The following POR variants were observed in gnomAD, a reference collection of about 807,000 sequenced individuals.
POR encodes the protein NADPH--cytochrome P450 reductase.
POR carries 56 observed loss-of-function variants against 84.0 expected under a neutral mutation model. The ratio of observed to expected loss-of-function variants is 0.67; its 90% CI spans 0.54 to 0.83. The LOEUF is 0.83. Ranked by LOEUF, POR falls within the 40% of genes least tolerant of loss-of-function variation. POR has a pLI of 0.00. For missense variants in POR, 938 were observed against 944.3 expected, an observed-to-expected ratio of 0.99 and a Z score of 0.09; for synonymous variants, 414 against 400.5, an observed-to-expected ratio of 1.03 and a Z score of -0.40.
chr7:75,921,267 T>A (rs1554548803), intron 1 of POR: 1 of 4,994 alleles, frequency 2.0e-4, no homozygotes, highest in African/African-American at 2.5e-3. Context: ...TTTTTAGTCT[T>A]TTTTTTTTTT....
At chr7:75,935,993 C>T (rs1486165107) in intron 1 of POR, among the ~76,000 whole-genome samples, 1 of 151,664 alleles carries the variant, frequency 6.6e-6, no homozygotes, top group Non-Finnish European at 1.5e-5. Flanking sequence ...CTCCCTTTGG[C>T]AGTTTTCTGA....
At chr7:75,922,323 T>TG (rs1351271703) in intron 1 of POR, among the ~76,000 whole-genome samples, 2 of 149,230 alleles carry the variant, frequency 1.3e-5, no homozygotes, top group African/African-American at 5.0e-5. Flanking sequence ...TCTGTAGTTT[T>TG]TTTTTTTTTT....
intron 2 of POR, chr7:75,970,880 G>A (rs1788396498): frequency 1.4e-5 from 2 of 141,074 alleles, no homozygotes; most frequent in African/African-American, 5.2e-5. Flanking sequence ...CCACATATAA[G>A]TACATTACAA....
intron 1 of POR, among the ~76,000 whole-genome samples, chr7:75,917,243 A>T (rs1439542280): frequency 6.6e-6 from 1 of 151,770 alleles, no homozygotes; most frequent in African/African-American, 2.4e-5. Flanking sequence ...AATTTTTTAA[A>T]TGTTTTTTAG....
chr7:75,957,184 G>A (rs1474044530), intron 2 of POR, among the ~76,000 whole-genome samples: 4 of 152,188 alleles, frequency 2.6e-5, no homozygotes, highest in African/African-American at 9.7e-5. Context: ...TGGAGAGACA[G>A]GCTCCGCCAG....
At position 75,983,724 on chromosome 7, in the gene POR, A is replaced by ACAT; in HGVS notation, c.948-12_948-10dup. The ACAT allele has an allele frequency of 6.2e-7, 1 of 1,611,256 alleles. No individual in the cohort carries two copies. The highest frequency in any genetic ancestry group is 8.5e-7 in the Non-Finnish European group (1 of 1,178,736). ...CAGCCTTCCGCCCCTCCCGAGCCTC[A>ACAT]CATCTCCCTCCAGGTATGAATCTGG... On this transcript the variant is annotated splice_polypyrimidine_tract_variant and intron_variant, in intron 9 of 15. Transcript: ENST00000461988.
chr7:75,983,257 C>T, intron 8 of POR: 1 of 393,684 alleles, frequency 2.5e-6, no homozygotes, highest in Non-Finnish European at 4.6e-6. Context: ...AGGAGAATTG[C>T]TTGAACCTGG....
intron 1 of POR, among the ~76,000 whole-genome samples, chr7:75,942,102 C>CT (rs1295322300): frequency 2.0e-5 from 3 of 152,112 alleles, no homozygotes; most frequent in Non-Finnish European, 4.4e-5. Flanking sequence ...TAGTATACAC[C>CT]TGTAGTCCCA....
chr7:75,980,978 C>G, intron 5 of POR, 70 bp from the exon 6 acceptor site: 1 of 1,478,776 alleles, frequency 6.8e-7, no homozygotes. Context: ...GCCTCCCGCC[C>G]TGCCCCCATG....
At chr7:75,972,286 T>C (rs1213566249) in intron 2 of POR, 127 bp from the exon 3 acceptor site, 2 of 844,708 alleles carry the variant, frequency 2.4e-6, no homozygotes, top group Non-Finnish European at 3.8e-6. Flanking sequence ...GGGACAAAGC[T>C]GGAATGTCCC....
rs150199766 is a variant in POR at position 75,949,166 on chromosome 7, T to G, written c.-4-4823T>G. Among the ~76,000 whole-genome samples, 914 of 151,954 alleles carry G rather than the reference T, an allele frequency of 6.0e-3. 11 individuals carry two copies. The highest frequency in any genetic ancestry group is 0.021 in the African/African-American group (867 of 41,352). ...TTGTTGTTGTTGTTGTTGTTGTTGT[T>G]GTTTTTGAGACGGAGTCTCACTCTG... On this transcript the variant is annotated intron_variant, in intron 1 of 15. Transcript: ENST00000461988.
chr7:75,956,019 C>G (rs1255872476), intron 2 of POR, among the ~76,000 whole-genome samples: 1 of 152,118 alleles, frequency 6.6e-6, no homozygotes, highest in Non-Finnish European at 1.5e-5. Context: ...GGTTCAGGGC[C>G]AGGCACAGCG....
intron 8 of POR, 70 bp from the exon 9 acceptor site, chr7:75,983,450 A>G: frequency 9.1e-7 from 1 of 1,096,376 alleles, no homozygotes; most frequent in South Asian, 1.3e-5. Context: ...TGCAACCAGA[A>G]GCGTCCTTGG....
At chr7:75,983,461 A>T in intron 8 of POR, 59 bp from the exon 9 acceptor site, 1 of 1,243,940 alleles carries the variant, frequency 8.0e-7, no homozygotes, top group Non-Finnish European at 1.2e-6. Flanking sequence ...GCGTCCTTGG[A>T]GACGGAGACT....
intron 1 of POR, among the ~76,000 whole-genome samples, chr7:75,952,023 G>T (rs239951): frequency 0.39 from 45,422 of 117,856 alleles, 11,077 homozygotes; most frequent in African/African-American, 0.73. Flanking sequence ...GCTCCTCACT[G>T]CCCAGTAGGG....
At chr7:75,917,867 C>G (rs186533836) in intron 1 of POR, among the ~76,000 whole-genome samples, 6 of 152,288 alleles carry the variant, frequency 3.9e-5, no homozygotes, top group African/African-American at 9.6e-5. Flanking sequence ...AAAAGACTTT[C>G]AAATGCCAAT....
chr7:75,949,305 G>A (rs1048552946), intron 1 of POR, among the ~76,000 whole-genome samples: 23 of 152,050 alleles, frequency 1.5e-4, no homozygotes, highest in South Asian at 8.3e-4. Flanking sequence ...ACAGGCACGC[G>A]TCACCATGCC....
In POR at chr7:75,940,501, G is replaced by A. The variant is rs1309494080; in HGVS notation, c.-4-13488G>A. 3.5e-5 allele frequency among the ~76,000 whole-genome samples: 5 copies of A among 144,500 alleles called. No individual in the cohort carries two copies. The East Asian group carries it at 1.1e-3, about 31-fold the overall frequency. The allele number at this position is 144,500 out of a possible 152,430, so 94.8% of individuals were successfully genotyped here. On this transcript the variant is annotated intron_variant, in intron 1 of 15. Coordinates refer to ENST00000461988, the MANE Select transcript of POR (RefSeq NM_000941.3). ...TTTGAAAAAAAACGTAGGCACTCTC[G>A]TGGCCGGGTGCAGTGGCTCACACCT...
chr7:75,962,446 C>A (rs1787980077), intron 2 of POR, among the ~76,000 whole-genome samples: 1 of 152,170 alleles, frequency 6.6e-6, no homozygotes, highest in Non-Finnish European at 1.5e-5. Context: ...GGGCATGTGC[C>A]ACCATACTCG....
Sources: gnomAD v4.1 joint callset for allele counts (sites outside exome capture counted in the v4.1 genomes callset) on GRCh38, gnomAD v4.1.1 for gene constraint, MANE v1.5 for transcripts, NCBI Gene and HGNC (gene_info 2026-07-23, HGNC 2026-07-21) for gene names.